The following PLD5 variants were observed in gnomAD, a reference collection of about 807,000 sequenced individuals.
PLD5 encodes phospholipase D family member 5.
A neutral mutation model predicts 61.1 loss-of-function variants in PLD5; 36 were observed. That is an observed-to-expected ratio of 0.59 (90% confidence interval 0.45 to 0.78). The LOEUF (loss-of-function observed/expected upper bound fraction) is 0.78. PLD5 is among the 30% of genes least tolerant of loss of function. PLD5 has a pLI of 0.00. For missense variants in PLD5, 515 were observed against 644.4 expected, an observed-to-expected ratio of 0.80 and a Z score of 2.17; for synonymous variants, 243 against 242.8, an observed-to-expected ratio of 1.00 and a Z score of -0.01.
At chr1:242,361,572 A>C (rs1008493019) in intron 1 of PLD5, among the ~76,000 whole-genome samples, 24 of 151,650 alleles carry the variant, frequency 1.6e-4, no homozygotes, top group African/African-American at 5.9e-4. Flanking sequence ...CACAAGACAA[A>C]ACAAAATTTA....
chr1:242,100,693 C>T lies in PLD5; in HGVS notation c.1329G>A (p.Met443Ile). 6.2e-7 allele frequency: 1 copy of T among 1,613,980 alleles called. No homozygotes were observed. Among genetic ancestry groups the T allele is most frequent in the Non-Finnish European group, 8.5e-7 (1 of 1,179,944 alleles). Residue 443 changes from methionine (M) to isoleucine (I), a missense_variant, in exon 9 of 10, where the codon ATG becomes ATA. Met to Ile is a conservative substitution (Grantham distance 10). Transcript: ENST00000536534. Reference sequence around the variant, plus strand: ...CAATATAAGCTGCTCCATCTGTCACCATGTACTTGTTGCGATTTAACCTAG... The same window carrying T: ...CAATATAAGCTGCTCCATCTGTCACTATGTACTTGTTGCGATTTAACCTAG... ...TFPRLNRNKYMVTDGAAYIGN... is the reference protein window; with the variant it reads ...TFPRLNRNKYIVTDGAAYIGN...
At chr1:242,153,235 A>T (rs1467757345) in intron 5 of PLD5, among the ~76,000 whole-genome samples, 1 of 151,972 alleles carries the variant, frequency 6.6e-6, no homozygotes, top group South Asian at 2.1e-4. Flanking sequence ...AATTCTTTGT[A>T]GATTCTGGAT....
At chr1:242,428,653 A>G (rs1420271533) in intron 1 of PLD5, among the ~76,000 whole-genome samples, 1 of 152,132 alleles carries the variant, frequency 6.6e-6, no homozygotes, top group Non-Finnish European at 1.5e-5. Context: ...CCATAACCCA[A>G]AGCTTCCTAC....
intron 7 of PLD5, among the ~76,000 whole-genome samples, chr1:242,109,500 C>A (rs566480759): frequency 1.3e-5 from 2 of 152,020 alleles, no homozygotes; most frequent in African/African-American, 4.8e-5. Context: ...AAAAATGCCA[C>A]CCCCCACAAA....
chr1:242,496,221 C>T (rs1055468442), intron 1 of PLD5, among the ~76,000 whole-genome samples: 2 of 152,080 alleles, frequency 1.3e-5, no homozygotes, highest in African/African-American at 4.8e-5. Context: ...CTCTTTTAAA[C>T]TGTGTAAGGG....
intron 1 of PLD5, among the ~76,000 whole-genome samples, chr1:242,354,231 C>T (rs1660631558): frequency 6.6e-6 from 1 of 152,116 alleles, no homozygotes; most frequent in Non-Finnish European, 1.5e-5. Context: ...ATGACAATGA[C>T]CCAGAAGTTA....
intron 1 of PLD5, among the ~76,000 whole-genome samples, chr1:242,440,967 T>G (rs1666248154): frequency 6.6e-6 from 1 of 152,230 alleles, no homozygotes; most frequent in Non-Finnish European, 1.5e-5. Flanking sequence ...CATTCAGCAT[T>G]ATTATAAATA....
intron 1 of PLD5, among the ~76,000 whole-genome samples, chr1:242,468,373 T>C (rs1667339736): frequency 6.6e-6 from 1 of 152,202 alleles, no homozygotes; most frequent in Non-Finnish European, 1.5e-5. Flanking sequence ...CCTTATTTTT[T>C]TCATTGCAAA....
In PLD5 at chr1:242,086,784, G is replaced by T. The variant is rs1210586247; in HGVS notation, c.*3070C>A. The T allele has an allele frequency of 6.6e-6, 1 of 152,160 alleles. No individual in the cohort carries two copies. Among genetic ancestry groups the T allele is most frequent in the African/African-American group, 2.4e-5 (1 of 41,422 alleles). 9.4% of individuals were successfully genotyped at this position (152,160 alleles called of 1,614,324 possible). ...CATAAGGCACTAAGTTAGTGTTAGT[G>T]GTACTGAAATCCAAGATATAGTCTC... On this transcript the variant is annotated 3_prime_UTR_variant, in exon 10 of 10. Transcript: ENST00000536534.
chr1:242,126,263 A>G (rs542110317), intron 5 of PLD5, among the ~76,000 whole-genome samples: 1 of 152,360 alleles, frequency 6.6e-6, no homozygotes, highest in African/African-American at 2.4e-5. Flanking sequence ...ATTCAATGCA[A>G]TTCCCATCAA....
At chr1:242,312,306 TC>T (rs1250427072) in intron 2 of PLD5, among the ~76,000 whole-genome samples, 4 of 152,002 alleles carry the variant, frequency 2.6e-5, no homozygotes, top group Non-Finnish European at 4.4e-5. Flanking sequence ...TAGCCACCTC[TC>T]CCAGTCTTTG....
At chr1:242,326,416 C>G (rs1658788207) in intron 2 of PLD5, among the ~76,000 whole-genome samples, 1 of 152,130 alleles carries the variant, frequency 6.6e-6, no homozygotes, top group African/African-American at 2.4e-5. Flanking sequence ...TCATAAGAGT[C>G]AGGGACTGGA....
chr1:242,434,884 A>G (rs73136190), intron 1 of PLD5, among the ~76,000 whole-genome samples: 2,087 of 152,140 alleles, frequency 0.014, 60 homozygotes, highest in African/African-American at 0.048. Flanking sequence ...ATTTAATTTT[A>G]CTTATTAAAG....
At chr1:242,323,363 G>GTT (rs1200372712) in intron 2 of PLD5, among the ~76,000 whole-genome samples, 118 of 151,718 alleles carry the variant, frequency 7.8e-4, no homozygotes, top group African/African-American at 2.7e-3. Flanking sequence ...TTAGGTAACT[G>GTT]TTTTTTTTGT....
chr1:242,192,092 C>A (rs1292692196), intron 5 of PLD5: 1 of 152,236 alleles, frequency 6.6e-6, no homozygotes, highest in Non-Finnish European at 1.5e-5. Context: ...GAGGTCTCAC[C>A]TCTGAGCTTC....
chr1:242,264,726 C>A (rs1205445260), intron 4 of PLD5, among the ~76,000 whole-genome samples: 1 of 151,974 alleles, frequency 6.6e-6, no homozygotes, highest in Non-Finnish European at 1.5e-5. Flanking sequence ...TTCCAGGGAA[C>A]AATTTTTACA....
At chr1:242,486,052 A>G (rs1667948792) in intron 1 of PLD5, among the ~76,000 whole-genome samples, 1 of 152,064 alleles carries the variant, frequency 6.6e-6, no homozygotes. Context: ...TACACCTTAT[A>G]CAAAAATTAA....
chr1:242,481,608 G>A (rs906966416), intron 1 of PLD5, among the ~76,000 whole-genome samples: 2 of 152,240 alleles, frequency 1.3e-5, no homozygotes, highest in African/African-American at 4.8e-5. Context: ...AGGCCTGCCT[G>A]CCTCTGTAGA....
chr1:242,395,085 ATATATGAATATATATGTATG>A (rs1393612537), intron 1 of PLD5, among the ~76,000 whole-genome samples: 113 of 143,488 alleles, frequency 7.9e-4, no homozygotes, highest in Middle Eastern at 4.0e-3. Flanking sequence ...ATATATGTAT[ATATATGAATATATATGTATG>A]TATATGAATA....
Sources: gnomAD v4.1 joint callset for allele counts (sites outside exome capture counted in the v4.1 genomes callset) on GRCh38, gnomAD v4.1.1 for gene constraint, MANE v1.5 for transcripts, NCBI Gene and HGNC (gene_info 2026-07-23, HGNC 2026-07-21) for gene names.